Variants in ADGRB3 observed in about 807,000 individuals in gnomAD.
The protein encoded by ADGRB3 is adhesion G protein-coupled receptor B3.
ADGRB3 carries 37 observed loss-of-function variants against 193.4 expected under a neutral mutation model. That is an observed-to-expected ratio of 0.19 (90% confidence interval 0.15 to 0.25). The LOEUF is 0.25. Ranked by LOEUF, ADGRB3 falls within the 10% of genes least tolerant of loss-of-function variation. ADGRB3 has a pLI of 1.00. For synonymous variants in ADGRB3, 690 were observed against 644.2 expected, an observed-to-expected ratio of 1.07 and a Z score of -1.08; for missense variants, 1,637 against 1,852.9, an observed-to-expected ratio of 0.88 and a Z score of 2.14.
chr6:69,146,146 G>A (rs1774486042), intron 17 of ADGRB3, among the ~76,000 whole-genome samples: 1 of 152,122 alleles, frequency 6.6e-6, no homozygotes. Context: ...GTCACCTGCA[G>A]GTGAGTGCCA....
intron 17 of ADGRB3, among the ~76,000 whole-genome samples, chr6:69,226,131 A>G (rs1766009812): frequency 6.6e-6 from 1 of 152,122 alleles, no homozygotes; most frequent in Non-Finnish European, 1.5e-5. Flanking sequence ...CAAGAGTGAC[A>G]TATTCTTGGT....
intron 17 of ADGRB3, among the ~76,000 whole-genome samples, chr6:69,188,501 G>T (rs536000363): frequency 2.6e-5 from 4 of 152,166 alleles, no homozygotes; most frequent in Admixed American, 6.5e-5. Context: ...TAGAGACAGG[G>T]TTTCACCATG....
chr6:69,035,432 C>T (rs1171127704), intron 13 of ADGRB3, among the ~76,000 whole-genome samples: 1 of 151,712 alleles, frequency 6.6e-6, no homozygotes, highest in Non-Finnish European at 1.5e-5. Context: ...CAAGCCAGGA[C>T]CTGATATAAT....
chr6:68,956,031 A>T lies in ADGRB3; in HGVS notation c.1203A>T (p.Gly401=), dbSNP rs962181047. 1 of 1,613,106 alleles carries T rather than the reference A, an allele frequency of 6.2e-7. No individual in the cohort carries two copies. Among genetic ancestry groups the T allele is most frequent in the African/African-American group, 1.3e-5 (1 of 74,886 alleles). The change falls in exon 7 of 32, where the codon GGA becomes GGT. Residue 401 remains glycine (G), a synonymous_variant. Transcript: ENST00000370598. ...PCNIALCPVD[G]QWQEWSSWSQ... ...CTTTTTCTGCTTTGGTAGTTGATGG[A>T]CAGTGGCAAGAGTGGAGTTCGTGGA...
intron 20 of ADGRB3, among the ~76,000 whole-genome samples, chr6:69,321,841 C>T (rs193254344): frequency 1.3e-5 from 2 of 151,800 alleles, no homozygotes; most frequent in Admixed American, 1.3e-4. Context: ...GTGTGTGTTT[C>T]CTTGTATGGA....
intron 3 of ADGRB3, among the ~76,000 whole-genome samples, chr6:68,848,343 C>A (rs981838393): frequency 1.3e-5 from 2 of 151,948 alleles, no homozygotes; most frequent in African/African-American, 4.8e-5. Context: ...AGCAACTTCC[C>A]ATCTACAAAT....
At chr6:68,999,046 C>T (rs17400148) in intron 11 of ADGRB3, among the ~76,000 whole-genome samples, 12,351 of 152,068 alleles carry the variant, frequency 0.081, 635 homozygotes, top group Non-Finnish European at 0.12. Flanking sequence ...ATTTTAAGTC[C>T]CAACCTTGAT....
intron 24 of ADGRB3, among the ~76,000 whole-genome samples, chr6:69,333,941 TAAAATAAAATAAAA>T (rs1768783937): frequency 9.7e-4 from 1 of 1,026 alleles, no homozygotes; most frequent in Non-Finnish European, 1.3e-3. Context: ...AAAAACAAAA[TAAAATAAAATAAAA>T]TAAAATAAAA....
intron 17 of ADGRB3, among the ~76,000 whole-genome samples, chr6:69,216,606 T>C (rs1765777204): frequency 6.6e-6 from 1 of 152,086 alleles, no homozygotes; most frequent in Admixed American, 6.5e-5. Flanking sequence ...CTGGGCTATC[T>C]CCAGAGCAAA....
chr6:69,166,387 G>A (rs1442275955), intron 17 of ADGRB3, among the ~76,000 whole-genome samples: 3 of 152,062 alleles, frequency 2.0e-5, no homozygotes, highest in Non-Finnish European at 4.4e-5. Flanking sequence ...TCTGAGCTTT[G>A]TACATTTACA....
chr6:69,134,583 A>T (rs536751511), intron 17 of ADGRB3, among the ~76,000 whole-genome samples: 1 of 152,072 alleles, frequency 6.6e-6, no homozygotes, highest in East Asian at 1.9e-4. Flanking sequence ...AGAGTACAGG[A>T]TGGTACAAGA....
At chr6:68,900,000 A>G (rs1050913119) in intron 3 of ADGRB3, among the ~76,000 whole-genome samples, 3 of 152,074 alleles carry the variant, frequency 2.0e-5, no homozygotes, top group African/African-American at 2.4e-5. Context: ...AAATACTTAC[A>G]TTTTACCTTG....
At chr6:68,904,196 C>T (rs1367057405) in intron 3 of ADGRB3, among the ~76,000 whole-genome samples, 4 of 151,936 alleles carry the variant, frequency 2.6e-5, no homozygotes, top group Non-Finnish European at 4.4e-5. Context: ...AGGCTATAAA[C>T]TTAACAGCAG....
intron 17 of ADGRB3, among the ~76,000 whole-genome samples, chr6:69,228,206 G>A (rs1329927401): frequency 6.6e-6 from 1 of 152,136 alleles, no homozygotes; most frequent in Non-Finnish European, 1.5e-5. Context: ...GCAGTGAGTC[G>A]AGATTGCACC....
chr6:68,907,020 A>G (rs1359736161), intron 3 of ADGRB3, among the ~76,000 whole-genome samples: 1 of 151,918 alleles, frequency 6.6e-6, no homozygotes. Context: ...CTAAACCTCA[A>G]ATGAAAATAA....
Position 69,339,025 on chromosome 6 carries a change from A to T in ADGRB3, c.3287+11A>T. The T allele has an allele frequency of 6.2e-7, 1 of 1,611,762 alleles. No individual in the cohort carries two copies. The highest frequency in any genetic ancestry group is 8.5e-7 in the Non-Finnish European group (1 of 1,178,502). On this transcript the variant is annotated intron_variant, in intron 25 of 31. Transcript: ENST00000370598. ...CGCCAGTAACGCCATGTTAGTCCCA[A>T]TCATTTACATCTTCTTGTTACAAAT...
intron 13 of ADGRB3, among the ~76,000 whole-genome samples, chr6:69,027,077 AC>A (rs201060457): frequency 6.6e-6 from 1 of 152,104 alleles, no homozygotes; most frequent in Non-Finnish European, 1.5e-5. Context: ...TACTTTATAA[AC>A]TTTTTTTTAA....
At chr6:69,022,669 A>G (rs879497659) in intron 13 of ADGRB3, among the ~76,000 whole-genome samples, 2 of 152,104 alleles carry the variant, frequency 1.3e-5, no homozygotes, top group South Asian at 2.1e-4. Flanking sequence ...TACATTAACT[A>G]CAGTGTAAAA....
rs555563326 is a variant in ADGRB3 at position 68,816,977 on chromosome 6, G to T, written c.758-113582G>T. On this transcript the variant is annotated intron_variant, in intron 3 of 31. Transcript: ENST00000370598. ...AAAATGTCCTGTCATAAACAGACTT[G>T]TTAAGCCAACCCCCAGGTTTAATCT... Among the ~76,000 whole-genome samples the T allele has an allele frequency of 3.3e-5, 5 of 151,986 alleles. No individual in the cohort carries two copies. The South Asian group carries it at 1.0e-3, about 32-fold the overall frequency.
Sources: allele counts gnomAD v4.1 joint callset (sites outside exome capture counted in the v4.1 genomes callset), GRCh38; gene constraint gnomAD v4.1.1; transcripts MANE v1.5; gene names NCBI Gene and HGNC (gene_info 2026-07-23, HGNC 2026-07-21).